RBFOX1: variants seen among roughly 807,000 people sequenced by gnomAD.
The protein encoded by RBFOX1 is RNA binding protein fox-1 homolog 1.
Under a neutral mutation model 57.7 loss-of-function variants are expected in RBFOX1, and 8 were observed. That is an observed-to-expected ratio of 0.14 (90% CI 0.08 to 0.25). The LOEUF is 0.25. RBFOX1 is among the 10% of genes least tolerant of loss of function. The pLI is 1.00. For synonymous variants in RBFOX1, 326 were observed against 222.4 expected, an observed-to-expected ratio of 1.47 and a Z score of -4.15; for missense variants, 611 against 548.5, an observed-to-expected ratio of 1.11 and a Z score of -1.14.
chr16:7,586,641 G>C (rs979972628), intron 6 of RBFOX1, among the ~76,000 whole-genome samples: 6 of 152,186 alleles, frequency 3.9e-5, no homozygotes, highest in Non-Finnish European at 7.3e-5. Flanking sequence ...ATTCATGCTA[G>C]TTGTCTAAAA....
intron 3 of RBFOX1, among the ~76,000 whole-genome samples, chr16:6,852,848 C>T (rs914751067): frequency 6.6e-6 from 1 of 150,648 alleles, no homozygotes; most frequent in African/African-American, 2.5e-5. Flanking sequence ...GAGGTGCATG[C>T]TGGGAACTGC....
intron 3 of RBFOX1, among the ~76,000 whole-genome samples, chr16:6,990,869 TTAAGA>T (rs1039355646): frequency 2.0e-4 from 30 of 152,178 alleles, no homozygotes; most frequent in Non-Finnish European, 2.6e-4. Context: ...TGCTAATTTT[TTAAGA>T]TAAGATAAGG....
chr16:7,624,610 T>C (rs2059800724), intron 10 of RBFOX1, among the ~76,000 whole-genome samples: 1 of 152,178 alleles, frequency 6.6e-6, no homozygotes, highest in South Asian at 2.1e-4. Flanking sequence ...TAATACTCAC[T>C]ACATCATAGT....
intron 3 of RBFOX1, among the ~76,000 whole-genome samples, chr16:6,928,922 G>C (rs1532224): frequency 0.97 from 146,913 of 152,230 alleles, 70,937 homozygotes; most frequent in East Asian, 1. Flanking sequence ...TGTCAGATAT[G>C]GGGGCTTCAA....
chr16:5,269,324 A>G (rs538687753), intron 1 of RBFOX1, among the ~76,000 whole-genome samples: 1 of 152,230 alleles, frequency 6.6e-6, no homozygotes, highest in Non-Finnish European at 1.5e-5. Context: ...GCATCTTTTC[A>G]TGTGCTTATT....
intron 1 of RBFOX1, among the ~76,000 whole-genome samples, chr16:5,465,273 G>T (rs2068918255): frequency 6.6e-6 from 1 of 152,114 alleles, no homozygotes; most frequent in African/African-American, 2.4e-5. Context: ...CTCTGCTGCT[G>T]CATCCCTGAC....
intron 1 of RBFOX1, among the ~76,000 whole-genome samples, chr16:5,433,780 C>A (rs1338302062): frequency 6.6e-6 from 1 of 152,182 alleles, no homozygotes; most frequent in African/African-American, 2.4e-5. Flanking sequence ...TCAGGCCCTT[C>A]TTGTTCACCG....
chr16:5,322,875 G>C (rs139315393), intron 1 of RBFOX1, among the ~76,000 whole-genome samples: 88 of 152,290 alleles, frequency 5.8e-4, no homozygotes, highest in Non-Finnish European at 1.0e-3. Flanking sequence ...CTGTCATACT[G>C]ATTGTTTTCA....
intron 4 of RBFOX1, among the ~76,000 whole-genome samples, chr16:7,385,455 G>C (rs890713057): frequency 6.6e-6 from 1 of 152,212 alleles, no homozygotes; most frequent in East Asian, 1.9e-4. Context: ...GGATGGAGAG[G>C]TCGGGGCTTG....
intron 4 of RBFOX1, among the ~76,000 whole-genome samples, chr16:7,168,977 A>G (rs981489530): frequency 1.3e-5 from 2 of 152,166 alleles, no homozygotes; most frequent in Admixed American, 6.5e-5. Flanking sequence ...AATAATTCTG[A>G]TACTCTAATT....
At chr16:7,105,647 C>T (rs555749246) in intron 4 of RBFOX1, among the ~76,000 whole-genome samples, 5 of 152,058 alleles carry the variant, frequency 3.3e-5, no homozygotes, top group African/African-American at 1.2e-4. Context: ...TGACCCATTC[C>T]TTTTTATGGC....
intron 3 of RBFOX1, among the ~76,000 whole-genome samples, chr16:6,778,255 T>C (rs1028249098): frequency 4.6e-5 from 7 of 152,168 alleles, no homozygotes; most frequent in Non-Finnish European, 7.4e-5. Context: ...AAGAATGTTT[T>C]TCAGTGTTTT....
chr16:7,202,116 A>T (rs2088686708), intron 4 of RBFOX1, among the ~76,000 whole-genome samples: 1 of 151,930 alleles, frequency 6.6e-6, no homozygotes. Flanking sequence ...AACAACAACC[A>T]CAGCAATATA....
rs1309222899 is a variant in RBFOX1, at chr16:6,816,371, G to T, written c.-16+161721G>T. Among the ~76,000 whole-genome samples the T allele has an allele frequency of 2.6e-5, 4 of 151,754 alleles. No individual in the cohort carries two copies. The East Asian group carries it at 7.7e-4, about 29-fold the overall frequency. On this transcript the variant is annotated intron_variant, in intron 3 of 15. Coordinates refer to ENST00000550418, the MANE Select transcript of RBFOX1 (RefSeq NM_018723.4). ...GCCTGCCTGTTGAAAAAGCCTTTTA[G>T]ATGAAAGTCAATCTTCGGTTTTGTT...
In RBFOX1 at chr16:7,086,705, G is replaced by T. The variant is rs186534472; in HGVS notation, c.27+34607G>T. On this transcript the variant is annotated intron_variant, in intron 4 of 15. Coordinates refer to ENST00000550418, the MANE Select transcript of RBFOX1 (RefSeq NM_018723.4). ...TCCTAGGTCTGCGATTGCAAAGAGA[G>T]GGAGGGAAGAATGTATACACACACA... 5.2e-3 allele frequency among the ~76,000 whole-genome samples: 158 copies of T among 30,442 alleles called. 1 individual carries two copies. Among genetic ancestry groups the T allele is most frequent in the Non-Finnish European group, 7.4e-3 (127 of 17,152 alleles). The allele number at this position is 30,442 out of a possible 152,430, so 20.0% of individuals were successfully genotyped here.
Position 5,947,210 on chromosome 16 carries a change from T to G in RBFOX1, c.351+79875T>G, listed in dbSNP as rs1247320684. 6.6e-6 allele frequency among the ~76,000 whole-genome samples: 1 copy of G among 152,116 alleles called. No homozygotes were observed. Among genetic ancestry groups the G allele is most frequent in the Non-Finnish European group, 1.5e-5 (1 of 68,034 alleles). ...CAGCCTGGGTGGCAGAGTGAGACTCTGTCTCTAAAACAAAACAAACCAGAA... is the reference window on the plus strand; with the variant it reads ...CAGCCTGGGTGGCAGAGTGAGACTCGGTCTCTAAAACAAAACAAACCAGAA... On this transcript the variant is annotated intron_variant, in intron 4 of 19. Coordinates refer to the RBFOX1 transcript ENST00000641259. This position sits in a 1 kb window ranked among gnomAD's most constrained non-coding sequence, Gnocchi z 7.2.
At chr16:7,310,059 C>G (rs980243440) in intron 4 of RBFOX1, among the ~76,000 whole-genome samples, 5 of 152,244 alleles carry the variant, frequency 3.3e-5, no homozygotes, top group African/African-American at 1.2e-4. Context: ...TTGCCTCACC[C>G]AGCCCTATTG....
intron 1 of RBFOX1, among the ~76,000 whole-genome samples, chr16:5,420,962 CCTTTTCCTCCTCCTT>C (rs1361487939): frequency 3.0e-5 from 4 of 133,888 alleles, no homozygotes; most frequent in Admixed American, 2.2e-4. Context: ...TCCTCCTCCT[CCTTTTCCTCCTCCTT>C]CTTCCCTTCC....
chr16:6,139,974 C>G (rs777957676), intron 1 of RBFOX1, among the ~76,000 whole-genome samples: 1 of 152,188 alleles, frequency 6.6e-6, no homozygotes, highest in African/African-American at 2.4e-5. Flanking sequence ...GGAACTGCTC[C>G]TCTCAAGATT....
Sources: gnomAD v4.1 joint callset for allele counts (sites outside exome capture counted in the v4.1 genomes callset) on GRCh38, gnomAD v4.1.1 for gene constraint, Gnocchi (gnomAD v3.1) non-coding constraint, MANE v1.5 for transcripts, NCBI Gene and HGNC (gene_info 2026-07-23, HGNC 2026-07-21) for gene names.